Variants in PKD1L3 observed in about 807,000 individuals in gnomAD.
The protein encoded by PKD1L3 is polycystin 1 like 3, transient receptor potential channel interacting, also known as polycystin-1-like protein 3.
Under a neutral mutation model 184.1 loss-of-function variants are expected in PKD1L3, and 239 were observed. The ratio of observed to expected loss-of-function variants is 1.30; its 90% CI spans 1.17 to 1.45. PKD1L3 has a LOEUF of 1.45. PKD1L3 is among the 40% of genes most tolerant of loss of function. PKD1L3 has a pLI of 0.00. For synonymous variants in PKD1L3, 996 were observed against 778.8 expected, an observed-to-expected ratio of 1.28 and a Z score of -4.64; for missense variants, 2,660 against 2,067.2, an observed-to-expected ratio of 1.29 and a Z score of -5.56.
chr16:71,939,654 A>G (rs1176095256), intron 24 of PKD1L3, among the ~76,000 whole-genome samples: 1 of 152,190 alleles, frequency 6.6e-6, no homozygotes, highest in African/African-American at 2.4e-5. Context: ...AGAAACAAGC[A>G]TAAGAGAAGT....
intron 19 of PKD1L3, 94 bp from the exon 20 acceptor site, chr16:71,950,404 G>T: frequency 8.7e-7 from 1 of 1,155,132 alleles, no homozygotes; most frequent in Non-Finnish European, 1.2e-6. Context: ...GGATGATGAG[G>T]CTATATTTTC....
At chr16:71,944,214 T>C in intron 22 of PKD1L3, 44 bp from the exon 23 acceptor site, 1 of 1,497,632 alleles carries the variant, frequency 6.7e-7, no homozygotes, top group Non-Finnish European at 9.1e-7. Context: ...TTATATTTCA[T>C]TAAGCAGTCA....
At chr16:71,954,059 AAAG>A (rs747559873) in intron 17 of PKD1L3, 43 bp downstream of exon 17, 2 of 1,405,558 alleles carry the variant, frequency 1.4e-6, no homozygotes, top group African/African-American at 1.5e-5. Context: ...CAAAAAAAAA[AAAG>A]GATTGCTTAC....
intron 24 of PKD1L3, among the ~76,000 whole-genome samples, chr16:71,938,647 A>T (rs2038260505): frequency 6.6e-6 from 1 of 152,240 alleles, no homozygotes; most frequent in African/African-American, 2.4e-5. Flanking sequence ...TGAAGCCCAT[A>T]AAAACACCAG....
intron 6 of PKD1L3, among the ~76,000 whole-genome samples, chr16:71,982,787 GCTCA>G (rs1457439555): frequency 2.0e-5 from 3 of 150,752 alleles, no homozygotes; most frequent in African/African-American, 7.3e-5. Context: ...AGAGGCAGGG[GCTCA>G]CTGTATTGCC....
chr16:71,983,923 A>G (rs1255078538), intron 6 of PKD1L3, 113 bp downstream of exon 6: 7 of 1,382,060 alleles, frequency 5.1e-6, no homozygotes, highest in East Asian at 5.3e-5. Flanking sequence ...TCGGCCTTCT[A>G]AAGTGCTGGG....
intron 4 of PKD1L3, among the ~76,000 whole-genome samples, chr16:71,987,175 G>A (rs1183184544): frequency 6.6e-6 from 1 of 151,422 alleles, no homozygotes; most frequent in Non-Finnish European, 1.5e-5. Flanking sequence ...CACCCACCTT[G>A]GCCTCCCAAA....
chr16:71,943,743 C>T (rs1422491247), intron 23 of PKD1L3, among the ~76,000 whole-genome samples: 1 of 152,082 alleles, frequency 6.6e-6, no homozygotes, highest in Non-Finnish European at 1.5e-5. Flanking sequence ...TACAGAAGAG[C>T]CATCTGCCAA....
chr16:71,958,754 C>CT (rs1450103151), intron 16 of PKD1L3, among the ~76,000 whole-genome samples: 1 of 135,468 alleles, frequency 7.4e-6, no homozygotes, highest in Non-Finnish European at 1.5e-5. Context: ...GCACTCCAGC[C>CT]TAGGCGATAG....
intron 13 of PKD1L3, among the ~76,000 whole-genome samples, chr16:71,968,309 G>A (rs1172132072): frequency 6.6e-6 from 1 of 152,182 alleles, no homozygotes; most frequent in Non-Finnish European, 1.5e-5. Context: ...CCAGATAACA[G>A]AGAATACCCA....
chr16:71,969,812 C>G (rs1555521168), intron 13 of PKD1L3, 63 bp downstream of exon 13: 1 of 1,412,882 alleles, frequency 7.1e-7, no homozygotes, highest in Non-Finnish European at 9.5e-7. Flanking sequence ...GGTGTTTTTT[C>G]CTTCATCTTA....
chr16:71,974,466 G>T (rs1263939916), intron 11 of PKD1L3, among the ~76,000 whole-genome samples: 1 of 152,164 alleles, frequency 6.6e-6, no homozygotes, highest in African/African-American at 2.4e-5. Context: ...GATTATTTGA[G>T]CCCAGGAGTT....
chr16:71,976,564 G>A (rs1307544442), intron 11 of PKD1L3, among the ~76,000 whole-genome samples: 1 of 151,638 alleles, frequency 6.6e-6, no homozygotes, highest in Admixed American at 6.6e-5. Flanking sequence ...GCCTGTCTCT[G>A]TTATTTCTTA....
chr16:71,950,369 T>C, intron 19 of PKD1L3, 59 bp from the exon 20 acceptor site: 1 of 1,388,168 alleles, frequency 7.2e-7, no homozygotes, highest in Non-Finnish European at 9.7e-7. Context: ...AAGCAATTAG[T>C]GGTAGAGATT....
chr16:71,971,158 A>T (rs1321123824), intron 12 of PKD1L3, among the ~76,000 whole-genome samples: 2 of 152,194 alleles, frequency 1.3e-5, no homozygotes, highest in Non-Finnish European at 2.9e-5. Context: ...AAGGAAGGAG[A>T]GAGACTAGAG....
Position 71,944,124 on chromosome 16 carries a change from G to A in PKD1L3, c.3765C>T (p.Pro1255=), listed in dbSNP as rs748485602. Residue 1255 remains proline (P), a synonymous_variant, in exon 23 of 30, where the codon CCC becomes CCT. Coordinates refer to ENST00000620267, the MANE Select transcript of PKD1L3 (RefSeq NM_181536.2). ...TATTTATAGCTGGGGCTACATAGAC[G>A]GGGTTGTTCTTATCTCTTGAACCTG... ...SVPGSRDKNN[P]VYVAPAINSP... The A allele has an allele frequency of 5.5e-5, 86 of 1,551,172 alleles. No individual in the cohort carries two copies. Among genetic ancestry groups the A allele is most frequent in the East Asian group, 1.2e-4 (5 of 40,904 alleles).
rs772348820 is a variant in PKD1L3 at position 71,967,370 on chromosome 16, G to A, written c.2287-55C>T. ...AAGGAATTTTAACACAATTCTTTGG[G>A]TTTATCCCTAAGGAGAAAGACGAAG... On this transcript the variant is annotated intron_variant, in intron 14 of 29. Transcript: ENST00000620267. 14 of 1,477,144 alleles carry A rather than the reference G, an allele frequency of 9.5e-6. No individual in the cohort carries two copies. The South Asian group carries it at 1.8e-4, about 19-fold the overall frequency. 91.5% of individuals were successfully genotyped at this position (1,477,144 alleles called of 1,614,324 possible). A position where few individuals can be genotyped will look rare whatever the true frequency, so the allele number is the denominator to read the frequency against.
At chr16:71,945,946 G>C (rs2038586620) in intron 22 of PKD1L3, among the ~76,000 whole-genome samples, 1 of 152,080 alleles carries the variant, frequency 6.6e-6, no homozygotes, top group African/African-American at 2.4e-5. Flanking sequence ...AACAAAATAA[G>C]TGCAAGGAAG....
At chr16:71,945,610 A>T (rs1392147851) in intron 22 of PKD1L3, among the ~76,000 whole-genome samples, 1 of 151,610 alleles carries the variant, frequency 6.6e-6, no homozygotes, top group Non-Finnish European at 1.5e-5. Flanking sequence ...TCTGGGAGGC[A>T]GAGGTTGCAG....
Sources: allele counts gnomAD v4.1 joint callset (sites outside exome capture counted in the v4.1 genomes callset), GRCh38; gene constraint gnomAD v4.1.1; transcripts MANE v1.5; gene names NCBI Gene and HGNC (gene_info 2026-07-23, HGNC 2026-07-21).